GNAL: variants seen among roughly 807,000 people sequenced by gnomAD.
GNAL encodes guanine nucleotide-binding protein G(olf) subunit alpha.
Under a neutral mutation model 55.1 loss-of-function variants are expected in GNAL, and 18 were observed. That is an observed-to-expected ratio of 0.33 (90% CI 0.23 to 0.48). The LOEUF (loss-of-function observed/expected upper bound fraction) is 0.48, where lower values mean the gene tolerates loss of function less well. Ranked by LOEUF, GNAL falls within the 20% of genes least tolerant of loss-of-function variation. GNAL has a pLI of 0.99. For missense variants in GNAL, 412 were observed against 614.1 expected, an observed-to-expected ratio of 0.67 and a Z score of 3.48; for synonymous variants, 253 against 237.0, an observed-to-expected ratio of 1.07 and a Z score of -0.62.
At chr18:11,782,021 T>C (rs980535769) in intron 4 of GNAL, among the ~76,000 whole-genome samples, 1 of 152,184 alleles carries the variant, frequency 6.6e-6, no homozygotes, top group Non-Finnish European at 1.5e-5. Context: ...AAAATATTCA[T>C]CAGTGAAAAG....
At chr18:11,761,099 A>C (rs2033226656) in intron 4 of GNAL, among the ~76,000 whole-genome samples, 1 of 151,734 alleles carries the variant, frequency 6.6e-6, no homozygotes, top group Non-Finnish European at 1.5e-5. Context: ...GCCCCACCTC[A>C]GTCCACACGG....
chr18:11,852,491 G>C (rs1388884753), intron 5 of GNAL: 1 of 205,168 alleles, frequency 4.9e-6, no homozygotes, highest in African/African-American at 2.4e-5. Flanking sequence ...TAGAATGGCA[G>C]GTGGTGCATA....
chr18:11,834,458 G>A (rs1404254036), intron 5 of GNAL, among the ~76,000 whole-genome samples: 2 of 152,134 alleles, frequency 1.3e-5, no homozygotes, highest in Admixed American at 6.6e-5. Context: ...AGTGGCTCAC[G>A]CCTGTAATTC....
intron 5 of GNAL, among the ~76,000 whole-genome samples, chr18:11,836,490 C>T (rs377680285): frequency 5.3e-5 from 8 of 151,968 alleles, no homozygotes; most frequent in Admixed American, 3.9e-4. Context: ...GAGGTGTGTG[C>T]TCTGTATTGC....
chr18:11,872,214 C>T (rs1037004855), intron 9 of GNAL, 54 bp from the exon 10 acceptor site: 13 of 1,177,484 alleles, frequency 1.1e-5, no homozygotes, highest in Non-Finnish European at 1.6e-5. Context: ...ATGTTAGAGG[C>T]ACTTTCATGT....
intron 5 of GNAL, among the ~76,000 whole-genome samples, chr18:11,840,551 C>T (rs1598419959): frequency 1.3e-5 from 2 of 152,324 alleles, no homozygotes; most frequent in Admixed American, 1.3e-4. Context: ...CATAGTGTGA[C>T]CTGAGCAAAT....
chr18:11,864,496 A>G, intron 6 of GNAL, 37 bp from the exon 7 acceptor site: 1 of 1,009,912 alleles, frequency 9.9e-7, no homozygotes, highest in African/African-American at 1.6e-5. Context: ...GAAGAACAGT[A>G]ATGTAACTCA....
In GNAL at chr18:11,864,574, G is replaced by A; in HGVS notation, c.819G>A (p.Glu273=). 6.3e-7 allele frequency: 1 copy of A among 1,591,608 alleles called. No individual in the cohort carries two copies. Among genetic ancestry groups the A allele is most frequent in the Middle Eastern group, 1.7e-4 (1 of 6,014 alleles). Residue 273 remains glutamate (E), a synonymous_variant, in exon 7 of 12, where the codon GAG becomes GAA. Transcript: ENST00000334049. ...RCRVLTSGIF[E]TRFQVDKVNF... is the part of the protein sequence containing the mutation. The stretch of plus-strand genomic sequence containing the variant: ...GAGTTCTGACATCTGGGATTTTTGA[G>A]ACACGATTCCAAGTGGACAAAGTAA...
chr18:11,721,400 A>G (rs1336970178), intron 1 of GNAL, among the ~76,000 whole-genome samples: 1 of 152,130 alleles, frequency 6.6e-6, no homozygotes, highest in Non-Finnish European at 1.5e-5. Flanking sequence ...GTGGTCACTC[A>G]TCTTAGTGGA....
intron 4 of GNAL, among the ~76,000 whole-genome samples, chr18:11,757,730 A>AGAT (rs979258308): frequency 6.6e-6 from 1 of 152,152 alleles, no homozygotes; most frequent in African/African-American, 2.4e-5. Context: ...CTATTACGAC[A>AGAT]TCTAAGTGGA....
chr18:11,764,391 G>A (rs1471370729), intron 4 of GNAL, among the ~76,000 whole-genome samples: 1 of 152,150 alleles, frequency 6.6e-6, no homozygotes, highest in East Asian at 1.9e-4. Context: ...ACAGGCGTGA[G>A]CCACCATGCC....
intron 5 of GNAL, among the ~76,000 whole-genome samples, chr18:11,840,479 G>T (rs765083904): frequency 6.6e-6 from 1 of 152,218 alleles, no homozygotes; most frequent in South Asian, 2.1e-4. Context: ...TAAAATAGGA[G>T]ACTCAGCAGA....
chr18:11,884,200 T>G lies in GNAL; in HGVS notation c.*3065T>G. 1 of 478,596 alleles carries G rather than the reference T, an allele frequency of 2.1e-6. No individual in the cohort carries two copies. The highest frequency in any genetic ancestry group is 2.5e-5 in the South Asian group (1 of 39,776). 29.6% of individuals were successfully genotyped at this position (478,596 alleles called of 1,614,324 possible). On this transcript the variant is annotated 3_prime_UTR_variant, in exon 12 of 12. Coordinates refer to ENST00000334049, the MANE Select transcript of GNAL (RefSeq NM_182978.4). The stretch of plus-strand genomic sequence containing the variant: ...TTTACATACTGTACAGATGCAACCT[T>G]TGATGATACATATATTTGATAAAAA...
chr18:11,875,089 G>A (rs185985190), intron 10 of GNAL, among the ~76,000 whole-genome samples: 8 of 152,280 alleles, frequency 5.3e-5, no homozygotes, highest in African/African-American at 1.4e-4. Flanking sequence ...CTAGAGGGTC[G>A]GCCATAGTGA....
At chr18:11,765,588 T>C (rs1466139269) in intron 4 of GNAL, among the ~76,000 whole-genome samples, 1 of 152,196 alleles carries the variant, frequency 6.6e-6, no homozygotes, top group African/African-American at 2.4e-5. Flanking sequence ...TCCCAGCCTC[T>C]AGTAAGCATC....
chr18:11,867,119 T>C (rs750889573), intron 7 of GNAL, 49 bp from the exon 8 acceptor site: 2 of 1,411,550 alleles, frequency 1.4e-6, no homozygotes, highest in Admixed American at 1.7e-5. Flanking sequence ...ACGTTTGCCA[T>C]TGTCCCCTGC....
chr18:11,689,929 C>T lies in GNAL; in HGVS notation c.366C>T (p.Leu122=). Residue 122 remains leucine (L), a synonymous_variant, in exon 1 of 12, where the codon CTC becomes CTT. Coordinates refer to ENST00000334049, the MANE Select transcript of GNAL (RefSeq NM_182978.4). ...QKRDLQQTHR[L]LLLGAGESGK... Reference sequence around the variant, plus strand: ...GCGACCTGCAGCAGACGCACCGGCTCCTGCTGCTCGGTAGGTCCCGGCCGC... The same window carrying T: ...GCGACCTGCAGCAGACGCACCGGCTTCTGCTGCTCGGTAGGTCCCGGCCGC... 1 of 1,394,556 alleles carries T rather than the reference C, an allele frequency of 7.2e-7. No homozygotes were observed. Among genetic ancestry groups the T allele is most frequent in the Non-Finnish European group, 9.4e-7 (1 of 1,068,594 alleles). 86.4% of individuals were successfully genotyped at this position (1,394,556 alleles called of 1,614,324 possible).
intron 4 of GNAL, among the ~76,000 whole-genome samples, chr18:11,786,897 G>T (rs562283016): frequency 6.6e-6 from 1 of 152,152 alleles, no homozygotes; most frequent in East Asian, 1.9e-4. Context: ...CCTGTCCAGA[G>T]CATGGGTCTG....
rs1427451704 is a variant in GNAL at position 11,773,617 on chromosome 18, T to A, written c.624+19672T>A. On this transcript the variant is annotated intron_variant, in intron 4 of 11. Coordinates refer to ENST00000334049, the MANE Select transcript of GNAL (RefSeq NM_182978.4). ...GAGACCCCATCTCTACAAAAAATCT[T>A]GTATAAAAATAAAAAAAATAGCCGG... Among the ~76,000 whole-genome samples, 95 of 151,962 alleles carry A rather than the reference T, an allele frequency of 6.3e-4. 1 individual carries two copies. The highest frequency in any genetic ancestry group is 6.2e-3 in the Admixed American group (95 of 15,252).
Sources: gnomAD v4.1 joint callset for allele counts (sites outside exome capture counted in the v4.1 genomes callset) on GRCh38, gnomAD v4.1.1 for gene constraint, MANE v1.5 for transcripts, NCBI Gene and HGNC (gene_info 2026-07-23, HGNC 2026-07-21) for gene names.